The following LRRC4C variants were observed in gnomAD, a reference collection of about 807,000 sequenced individuals.
The protein encoded by LRRC4C is leucine rich repeat containing 4C.
In LRRC4C, 5 loss-of-function variants were observed where a neutral mutation model predicts 33.6. The observed-to-expected ratio is 0.15, with a 90% CI of 0.08 to 0.31. The LOEUF (loss-of-function observed/expected upper bound fraction) is 0.31. LRRC4C is among the 10% of genes least tolerant of loss of function. The probability of loss-of-function intolerance (pLI) is 1.00; values close to 1 mark genes in which losing one functional copy is unlikely to be tolerated. For synonymous variants in LRRC4C, 329 were observed against 302.0 expected (o/e 1.09, Z -0.93); for missense variants, 560 against 796.7 (o/e 0.70, Z 3.58).
chr11:41,140,586 G>A (rs1370659743), intron 1 of LRRC4C, among the ~76,000 whole-genome samples: 1 of 152,154 alleles, frequency 6.6e-6, no homozygotes, highest in Non-Finnish European at 1.5e-5. Context: ...AGGGTAAAAC[G>A]TTCTCTGATC....
intron 3 of LRRC4C, among the ~76,000 whole-genome samples, chr11:40,563,770 CT>C (rs1957647130): frequency 1.3e-5 from 2 of 152,158 alleles, no homozygotes. Flanking sequence ...AAAAGCCTGG[CT>C]TTACAGACTC....
At chr11:40,395,782 T>A (rs1472035997) in intron 3 of LRRC4C, among the ~76,000 whole-genome samples, 1 of 151,596 alleles carries the variant, frequency 6.6e-6, no homozygotes, top group African/African-American at 2.4e-5. Flanking sequence ...AGGCCAGGAG[T>A]TCAATACTAG....
intron 3 of LRRC4C, among the ~76,000 whole-genome samples, chr11:40,607,758 A>G (rs1476381349): frequency 6.6e-6 from 1 of 152,132 alleles, no homozygotes; most frequent in Non-Finnish European, 1.5e-5. Context: ...GATGAGGCAG[A>G]ATGTCTAATT....
At chr11:40,372,473 G>T (rs919246855) in intron 3 of LRRC4C, among the ~76,000 whole-genome samples, 3 of 152,196 alleles carry the variant, frequency 2.0e-5, no homozygotes, top group Non-Finnish European at 4.4e-5. Context: ...TTAAGACTAG[G>T]TTGAACCTAT....
intron 5 of LRRC4C, among the ~76,000 whole-genome samples, chr11:40,227,935 C>A (rs535629629): frequency 6.6e-6 from 1 of 152,216 alleles, no homozygotes; most frequent in South Asian, 2.1e-4. Context: ...ATATGTTAAC[C>A]CACATAAACC....
At chr11:41,007,817 CA>C (rs1854875496) in intron 1 of LRRC4C, among the ~76,000 whole-genome samples, 4 of 152,074 alleles carry the variant, frequency 2.6e-5, no homozygotes, top group African/African-American at 9.7e-5. Context: ...TTCCTGAACT[CA>C]AGGTTCATAT....
chr11:41,163,550 C>T (rs1286286825), intron 1 of LRRC4C, among the ~76,000 whole-genome samples: 1 of 151,386 alleles, frequency 6.6e-6, no homozygotes, highest in African/African-American at 2.4e-5. Context: ...TCCTAAAGTG[C>T]TGCGATTACA....
chr11:41,034,166 T>C (rs1272756331), intron 1 of LRRC4C, among the ~76,000 whole-genome samples: 2 of 152,080 alleles, frequency 1.3e-5, no homozygotes, highest in Non-Finnish European at 2.9e-5. Context: ...TGGATTACTG[T>C]TGCTATCATA....
intron 3 of LRRC4C, among the ~76,000 whole-genome samples, chr11:40,536,125 G>C (rs961547423): frequency 1.3e-5 from 2 of 152,124 alleles, no homozygotes; most frequent in Non-Finnish European, 2.9e-5. Flanking sequence ...TGTTAGAAAT[G>C]CAATTCTTAG....
At chr11:40,635,930 C>T (rs558299613) in intron 3 of LRRC4C, among the ~76,000 whole-genome samples, 6 of 152,010 alleles carry the variant, frequency 3.9e-5, no homozygotes, top group South Asian at 4.2e-4. Context: ...TGAGGCACTG[C>T]GCCCGGCCAG....
In LRRC4C at chr11:40,333,816, G is replaced by C. The variant is rs115487742; in HGVS notation, c.-269-14095C>G. ...CCAATGAGTATGATAATGATCAGAT[G>C]AGTGACTTCAATTGATTTCCAGTGG... On this transcript the variant is annotated intron_variant, in intron 3 of 6. Coordinates refer to ENST00000528697, the MANE Select transcript of LRRC4C (RefSeq NM_001258419.2). 8.6e-3 allele frequency among the ~76,000 whole-genome samples: 1,298 copies of C among 151,412 alleles called. 12 individuals are homozygous for C. Among genetic ancestry groups the C allele is most frequent in the African/African-American group, 0.03 (1,235 of 41,252 alleles).
At chr11:40,471,373 G>A (rs1272802762) in intron 3 of LRRC4C, among the ~76,000 whole-genome samples, 2 of 152,192 alleles carry the variant, frequency 1.3e-5, no homozygotes, top group Middle Eastern at 3.4e-3. Context: ...CCTTACAAGA[G>A]CTCCTAAAGG....
At chr11:40,949,071 GA>G (rs1958566144) in intron 1 of LRRC4C, among the ~76,000 whole-genome samples, 2 of 152,062 alleles carry the variant, frequency 1.3e-5, no homozygotes, top group African/African-American at 4.8e-5. Flanking sequence ...TAACTGGTGT[GA>G]GATGATATCT....
chr11:40,868,494 G>A (rs1199641696), intron 2 of LRRC4C, among the ~76,000 whole-genome samples: 2 of 152,028 alleles, frequency 1.3e-5, no homozygotes, highest in Non-Finnish European at 2.9e-5. Flanking sequence ...AACTCAGATG[G>A]AAATTTTCAT....
chr11:41,115,925 C>A (rs901792185), intron 1 of LRRC4C, among the ~76,000 whole-genome samples: 1 of 152,032 alleles, frequency 6.6e-6, no homozygotes. Flanking sequence ...TTTGGTCTGA[C>A]CCCTTTTATG....
chr11:40,786,421 T>C (rs938190926), intron 2 of LRRC4C, among the ~76,000 whole-genome samples: 3 of 152,188 alleles, frequency 2.0e-5, no homozygotes, highest in Non-Finnish European at 4.4e-5. Context: ...GTCTTCGGGA[T>C]CTTTAATGAG....
At chr11:40,824,895 A>C (rs1952093019) in intron 2 of LRRC4C, among the ~76,000 whole-genome samples, 1 of 151,922 alleles carries the variant, frequency 6.6e-6, no homozygotes, top group South Asian at 2.1e-4. Flanking sequence ...ACTAATATAA[A>C]AATGCGGCTG....
intron 1 of LRRC4C, among the ~76,000 whole-genome samples, chr11:41,336,566 C>G (rs189760092): frequency 6.6e-6 from 1 of 152,312 alleles, no homozygotes; most frequent in African/African-American, 2.4e-5. Flanking sequence ...TTGGGGATTT[C>G]TGCACTGGTC....
At chr11:40,411,153 T>TCA (rs2137640513) in intron 3 of LRRC4C, among the ~76,000 whole-genome samples, 1 of 152,208 alleles carries the variant, frequency 6.6e-6, no homozygotes, top group African/African-American at 2.4e-5. Context: ...TGACTAAAAA[T>TCA]TATATTATTT....
Sources: allele counts gnomAD v4.1 joint callset (sites outside exome capture counted in the v4.1 genomes callset), GRCh38; gene constraint gnomAD v4.1.1; transcripts MANE v1.5; gene names NCBI Gene and HGNC (gene_info 2026-07-23, HGNC 2026-07-21).